NCOA3: variants seen among roughly 807,000 people sequenced by gnomAD.
NCOA3 encodes the protein CBP-interacting protein.
NCOA3 carries 51 observed loss-of-function variants against 158.8 expected under a neutral mutation model. The ratio of observed to expected loss-of-function variants is 0.32; its 90% confidence interval spans 0.26 to 0.41. The LOEUF (loss-of-function observed/expected upper bound fraction) is 0.41. Among genes scored for constraint, NCOA3 ranks in the 10% least tolerant of loss-of-function variants. The pLI is 1.00. For synonymous variants in NCOA3, 537 were observed against 592.4 expected (o/e 0.91, Z 1.36); for missense variants, 1,510 against 1,746.6 (o/e 0.86, Z 2.41).
intron 18 of NCOA3, among the ~76,000 whole-genome samples, 185 bp from the exon 19 acceptor site, chr20:47,648,820 C>T (rs141921284): frequency 1.1e-4 from 16 of 152,306 alleles, no homozygotes; most frequent in Non-Finnish European, 2.2e-4. Flanking sequence ...CCATCATATG[C>T]TAGCCAAAGA....
chr20:47,634,040 C>T lies in NCOA3; in HGVS notation c.965-8C>T, dbSNP rs1185095636. Reference sequence around the variant, plus strand: ...TAGTTACCAGTGATGGGATATTTTCCCCAACAGCTTATCTTAATGGCCATG... The same window carrying T: ...TAGTTACCAGTGATGGGATATTTTCTCCAACAGCTTATCTTAATGGCCATG... On this transcript the variant is annotated splice_region_variant and splice_polypyrimidine_tract_variant and intron_variant, in intron 9 of 22. Coordinates refer to ENST00000371998, the MANE Select transcript of NCOA3 (RefSeq NM_181659.3). 1 of 1,613,496 alleles carries T rather than the reference C, an allele frequency of 6.2e-7. No homozygotes were observed. Among genetic ancestry groups the T allele is most frequent in the Non-Finnish European group, 8.5e-7 (1 of 1,179,728 alleles).
intron 1 of NCOA3, among the ~76,000 whole-genome samples, chr20:47,570,625 A>G (rs79444460): frequency 0.013 from 1,915 of 152,170 alleles, 17 homozygotes; most frequent in Non-Finnish European, 0.019. Flanking sequence ...AACGTCTTTC[A>G]GACTCCTATT....
chr20:47,625,360 T>C, intron 4 of NCOA3, 21 bp from the exon 5 acceptor site: 1 of 1,524,780 alleles, frequency 6.6e-7, no homozygotes, highest in Non-Finnish European at 9.1e-7. Context: ...TTATTCGTTA[T>C]ACCACCTTCT....
chr20:47,656,737 TGC>T lies in NCOA3; in HGVS notation c.*3321_*3322del, dbSNP rs2086883651. On this transcript the variant is annotated 3_prime_UTR_variant, in exon 23 of 23. Coordinates refer to ENST00000371998, the MANE Select transcript of NCOA3 (RefSeq NM_181659.3). Reference sequence around the variant, plus strand: ...AGTTTCAATCAAGTTTACATTATGTTGCTTAAAAAAATAGAAATTATTCTTTA... The same window carrying T: ...AGTTTCAATCAAGTTTACATTATGTTTTAAAAAAATAGAAATTATTCTTTA... 1 of 152,594 alleles carries T rather than the reference TGC, an allele frequency of 6.6e-6. No homozygotes were observed. The highest frequency in any genetic ancestry group is 2.4e-5 in the African/African-American group (1 of 41,434). 9.5% of individuals were successfully genotyped at this position (152,594 alleles called of 1,614,324 possible). A position where few individuals can be genotyped will look rare whatever the true frequency, so the allele number is the denominator to read the frequency against.
chr20:47,652,801 C>A, intron 21 of NCOA3, 130 bp from the exon 22 acceptor site: 1 of 1,125,786 alleles, frequency 8.9e-7, no homozygotes, highest in Non-Finnish European at 1.3e-6. Context: ...CACAGGCTGT[C>A]AGGGAGTTTT....
At position 47,602,280 on chromosome 20, in the gene NCOA3, C is replaced by G. The variant is rs11699792; in HGVS notation, c.-20+19019C>G. 4.7e-3 allele frequency among the ~76,000 whole-genome samples: 713 copies of G among 152,216 alleles called. 5 individuals carry two copies. Among genetic ancestry groups the G allele is most frequent in the Admixed American group, 8.0e-3 (122 of 15,284 alleles). On this transcript the variant is annotated intron_variant, in intron 2 of 22. Coordinates refer to ENST00000371998, the MANE Select transcript of NCOA3 (RefSeq NM_181659.3). ...TAGAAGACTAAATGGTAGAAATTAA[C>G]TTTTTTCTAAACCAACTATTGTTAT...
At position 47,649,171 on chromosome 20, in the gene NCOA3, G is replaced by A; in HGVS notation, c.3651+62G>A. 3 of 1,006,048 alleles carry A rather than the reference G, an allele frequency of 3.0e-6. No homozygotes were observed. In the South Asian group the frequency reaches 4.9e-5, roughly 16 times the overall value. 62.3% of individuals were successfully genotyped at this position (1,006,048 alleles called of 1,614,324 possible). A position where few individuals can be genotyped will look rare whatever the true frequency, so the allele number is the denominator to read the frequency against. On this transcript the variant is annotated intron_variant, in intron 19 of 22. Transcript: ENST00000371998. Reference sequence around the variant, plus strand: ...TGCTCAGGACAGGGCTTGGCCTGTGGTTGGCTCTCAGTAAATGTTTGTTAA... The same window carrying A: ...TGCTCAGGACAGGGCTTGGCCTGTGATTGGCTCTCAGTAAATGTTTGTTAA...
At chr20:47,541,880 G>A (rs1177934759) in intron 1 of NCOA3, among the ~76,000 whole-genome samples, 1 of 151,622 alleles carries the variant, frequency 6.6e-6, no homozygotes, top group Admixed American at 6.6e-5. Context: ...TTAATTTGTT[G>A]GAATCAGATT....
intron 3 of NCOA3, among the ~76,000 whole-genome samples, chr20:47,623,394 G>C (rs1056087233): frequency 4.6e-5 from 7 of 152,186 alleles, no homozygotes; most frequent in African/African-American, 1.7e-4. Context: ...AACAAAGATG[G>C]AACTGAATTT....
intron 2 of NCOA3, among the ~76,000 whole-genome samples, chr20:47,598,871 A>G (rs780805091): frequency 3.3e-5 from 5 of 152,248 alleles, no homozygotes; most frequent in Non-Finnish European, 5.9e-5. Flanking sequence ...GTTTCAGTCA[A>G]TGAAGGAATA....
At chr20:47,589,386 A>G (rs1055525440) in intron 2 of NCOA3, among the ~76,000 whole-genome samples, 14 of 151,494 alleles carry the variant, frequency 9.2e-5, no homozygotes, top group African/African-American at 2.9e-4. Flanking sequence ...GACTTTATTT[A>G]TTTTTTTGAG....
intron 1 of NCOA3, among the ~76,000 whole-genome samples, chr20:47,545,942 T>C (rs1263590080): frequency 1.3e-5 from 2 of 152,120 alleles, no homozygotes; most frequent in African/African-American, 2.4e-5. Context: ...CTAGAACTCC[T>C]GAGCTCAAGT....
At chr20:47,555,834 G>A (rs1265860786) in intron 1 of NCOA3, among the ~76,000 whole-genome samples, 2 of 149,944 alleles carry the variant, frequency 1.3e-5, no homozygotes, top group African/African-American at 2.5e-5. Flanking sequence ...AGTAGAGATG[G>A]GGTTTCACCA....
At chr20:47,515,890 A>T (rs2084226395) in intron 1 of NCOA3, among the ~76,000 whole-genome samples, 2 of 152,208 alleles carry the variant, frequency 1.3e-5, no homozygotes, top group South Asian at 4.1e-4. Context: ...TCATGAAGAG[A>T]TGTGAAGAAA....
chr20:47,589,055 ATTTTTGTAT>A (rs907030293), intron 2 of NCOA3, among the ~76,000 whole-genome samples: 40 of 151,870 alleles, frequency 2.6e-4, no homozygotes. Context: ...TGCCCGTCTA[ATTTTTGTAT>A]TTTTTTTTAG....
At chr20:47,628,061 A>G in intron 8 of NCOA3, 38 bp downstream of exon 8, 3 of 1,444,540 alleles carry the variant, frequency 2.1e-6, no homozygotes, top group South Asian at 1.2e-5. Context: ...CTCTCTGTGT[A>G]TACGTACATT....
At position 47,638,767 on chromosome 20, in the gene NCOA3, C is replaced by T. The variant is rs539258886; in HGVS notation, c.2513-241C>T. On this transcript the variant is annotated intron_variant, in intron 13 of 22. Coordinates refer to ENST00000371998, the MANE Select transcript of NCOA3 (RefSeq NM_181659.3). Reference sequence around the variant, plus strand: ...ACAGAAAAGTTCTCAGTACTTCAGCCGACATGGAGATTGTTGTTTCTACTT... The same window carrying T: ...ACAGAAAAGTTCTCAGTACTTCAGCTGACATGGAGATTGTTGTTTCTACTT... Among the ~76,000 whole-genome samples the T allele has an allele frequency of 5.5e-5, 8 of 144,872 alleles. No individual in the cohort carries two copies. In the East Asian group the frequency reaches 8.1e-4, roughly 15 times the overall value.
chr20:47,534,766 A>G (rs1035365138), intron 1 of NCOA3, among the ~76,000 whole-genome samples: 2 of 151,958 alleles, frequency 1.3e-5, no homozygotes, highest in Non-Finnish European at 2.9e-5. Context: ...AATCCAAAAA[A>G]TTGTCTGGGT....
intron 2 of NCOA3, among the ~76,000 whole-genome samples, chr20:47,605,053 A>G (rs964067309): frequency 2.0e-5 from 3 of 152,078 alleles, no homozygotes; most frequent in African/African-American, 7.2e-5. Flanking sequence ...TTTTTAGTAG[A>G]GACAGTGTTT....
Sources: allele counts gnomAD v4.1 joint callset (sites outside exome capture counted in the v4.1 genomes callset), GRCh38; gene constraint gnomAD v4.1.1; transcripts MANE v1.5; gene names NCBI Gene and HGNC (gene_info 2026-07-23, HGNC 2026-07-21).